The following GPRC6A variants were observed in gnomAD, a reference collection of about 807,000 sequenced individuals.
GPRC6A encodes G protein-coupled receptor class C group 6 member A.
In GPRC6A, 54 loss-of-function variants were observed where a neutral mutation model predicts 47.0. The ratio of observed to expected loss-of-function variants is 1.15; its 90% confidence interval spans 0.92 to 1.44. The LOEUF (loss-of-function observed/expected upper bound fraction) is 1.44, where lower values mean the gene tolerates loss of function less well. Among genes scored for constraint, GPRC6A ranks in the 40% most tolerant of loss-of-function variants. The pLI is 0.00. For synonymous variants in GPRC6A, 347 were observed against 377.1 expected (o/e 0.92, Z 0.93); for missense variants, 1,112 against 1,105.5 (o/e 1.01, Z -0.08).
intron 3 of GPRC6A, among the ~76,000 whole-genome samples, chr6:116,803,023 A>G (rs1459873499): frequency 1.3e-5 from 2 of 152,134 alleles, no homozygotes; most frequent in African/African-American, 4.8e-5. Context: ...ATGTCTCATA[A>G]ATTCATCAAA....
At chr6:116,810,431 C>A (rs778712804) in intron 1 of GPRC6A, among the ~76,000 whole-genome samples, 2 of 151,976 alleles carry the variant, frequency 1.3e-5, no homozygotes, top group Non-Finnish European at 2.9e-5. Context: ...GCATCTCTTA[C>A]TATGTTTCCT....
intron 1 of GPRC6A, among the ~76,000 whole-genome samples, chr6:116,812,622 T>G (rs975925963): frequency 3.3e-5 from 5 of 152,122 alleles, no homozygotes; most frequent in African/African-American, 9.7e-5. Context: ...AATTCCCCTC[T>G]TAAGAGACAT....
At chr6:116,813,995 A>G (rs1430559816) in intron 1 of GPRC6A, among the ~76,000 whole-genome samples, 3 of 152,244 alleles carry the variant, frequency 2.0e-5, no homozygotes, top group Non-Finnish European at 2.9e-5. Context: ...CAACAGACAC[A>G]TGAAAAAATG....
intron 1 of GPRC6A, among the ~76,000 whole-genome samples, chr6:116,823,786 G>C (rs1359241217): frequency 2.0e-5 from 3 of 152,056 alleles, no homozygotes; most frequent in African/African-American, 7.2e-5. Context: ...AACTTGGGAG[G>C]CCTCAGGAAA....
chr6:116,800,631 A>G lies in GPRC6A; in HGVS notation c.1501T>C (p.Phe501Leu), dbSNP rs759026518. 3.7e-6 allele frequency: 6 copies of G among 1,613,444 alleles called. No homozygotes were observed. The East Asian group carries it at 1.3e-4, about 36-fold the overall frequency. Residue 501 changes from phenylalanine to leucine, a missense_variant, in exon 4 of 6, where the codon TTC becomes CTC. Coordinates refer to ENST00000310357, the MANE Select transcript of GPRC6A (RefSeq NM_148963.4). ...TTTGTTTCCTGATCTGGGATGATGA[A>G]GACATCATTCTGTAGGTCATATTCT... ...MAEYDLQNDVFIIPDQETKNE... is the reference protein window; with the variant it reads ...MAEYDLQNDVLIIPDQETKNE...
chr6:116,820,399 C>A (rs1336682855), intron 1 of GPRC6A, among the ~76,000 whole-genome samples: 1 of 151,968 alleles, frequency 6.6e-6, no homozygotes, highest in Non-Finnish European at 1.5e-5. Flanking sequence ...GGCAGAGACA[C>A]AACCAAAAAA....
chr6:116,819,796 G>T (rs1450896129), intron 1 of GPRC6A, among the ~76,000 whole-genome samples: 2 of 150,904 alleles, frequency 1.3e-5, no homozygotes, highest in East Asian at 2.0e-4. Context: ...ACAATTAAAA[G>T]AACTAGAAAA....
chr6:116,793,551 C>CTAT (rs1425028313), intron 5 of GPRC6A, among the ~76,000 whole-genome samples: 1 of 152,128 alleles, frequency 6.6e-6, no homozygotes, highest in Non-Finnish European at 1.5e-5. Flanking sequence ...TATGCATTTG[C>CTAT]TATTATAGAT....
chr6:116,816,284 G>C (rs1773202985), intron 1 of GPRC6A, among the ~76,000 whole-genome samples: 1 of 152,206 alleles, frequency 6.6e-6, no homozygotes, highest in Non-Finnish European at 1.5e-5. Context: ...GACACAATGG[G>C]AGTACAGGCA....
chr6:116,797,194 C>T (rs1380123157), intron 4 of GPRC6A, among the ~76,000 whole-genome samples: 2 of 152,206 alleles, frequency 1.3e-5, no homozygotes, highest in African/African-American at 4.8e-5. Context: ...TCATCCATGT[C>T]CCTACAAAGG....
chr6:116,795,520 T>C (rs1772453997), intron 5 of GPRC6A, among the ~76,000 whole-genome samples, 192 bp downstream of exon 5: 1 of 152,218 alleles, frequency 6.6e-6, no homozygotes, highest in Non-Finnish European at 1.5e-5. Context: ...TATTATTTAT[T>C]TGCTGTGCAC....
intron 1 of GPRC6A, among the ~76,000 whole-genome samples, chr6:116,820,856 C>T (rs1033822612): frequency 2.8e-4 from 42 of 148,906 alleles, no homozygotes; most frequent in East Asian, 7.9e-4. Flanking sequence ...AAGTTCTGGC[C>T]AGGGCAATTA....
At chr6:116,812,608 A>T (rs986143292) in intron 1 of GPRC6A, among the ~76,000 whole-genome samples, 1 of 152,284 alleles carries the variant, frequency 6.6e-6, no homozygotes, top group East Asian at 1.9e-4. Flanking sequence ...ATTTAAAAGG[A>T]TTAAATTCCC....
chr6:116,818,725 A>C (rs1773341183), intron 1 of GPRC6A, among the ~76,000 whole-genome samples: 1 of 151,768 alleles, frequency 6.6e-6, no homozygotes, highest in Non-Finnish European at 1.5e-5. Context: ...CATGGAAGGG[A>C]ACAATGGGTA....
intron 1 of GPRC6A, among the ~76,000 whole-genome samples, chr6:116,816,944 G>T (rs933035797): frequency 1.3e-5 from 2 of 152,232 alleles, no homozygotes; most frequent in Non-Finnish European, 2.9e-5. Flanking sequence ...CTGCAAGGTG[G>T]CAGCGAGGCT....
rs188561760 is a variant in GPRC6A at position 116,797,374 on chromosome 6, A to G, written c.1549-1539T>C. ...AAAGACAGTCTAAAATCTTGTACTA[A>G]TTACTTTAGATTTCAATTGATTTAG... On this transcript the variant is annotated intron_variant, in intron 4 of 5. Transcript: ENST00000310357. Among the ~76,000 whole-genome samples the G allele has an allele frequency of 2.0e-5, 3 of 152,190 alleles. No homozygotes were observed. In the East Asian group the frequency reaches 5.8e-4, roughly 29 times the overall value.
chr6:116,803,628 C>T (rs1365691771), intron 3 of GPRC6A, among the ~76,000 whole-genome samples: 1 of 152,080 alleles, frequency 6.6e-6, no homozygotes, highest in East Asian at 1.9e-4. Flanking sequence ...ATGTCTTTCA[C>T]TCACTCATTC....
chr6:116,792,705 TGAC>T lies in GPRC6A; in HGVS notation c.2215_2217del (p.Val739del). The T allele has an allele frequency of 6.2e-7, 1 of 1,613,014 alleles. No individual in the cohort carries two copies. Among genetic ancestry groups the T allele is most frequent in the Non-Finnish European group, 8.5e-7 (1 of 1,179,156 alleles). On this transcript the variant is annotated inframe_deletion, in exon 6 of 6. Transcript: ENST00000310357. Reference sequence around the variant, plus strand: ...GATCCCTCCTCACACTCCAGGATGATGACTCTGGGCAAGGAGACATTCACCTCT... The same window carrying T: ...GATCCCTCCTCACACTCCAGGATGATTCTGGGCAAGGAGACATTCACCTCT...
chr6:116,809,691 A>G, intron 1 of GPRC6A, 74 bp from the exon 2 acceptor site: 1 of 991,794 alleles, frequency 1.0e-6, no homozygotes, highest in Non-Finnish European at 1.5e-6. Context: ...CATTTTGCCT[A>G]CATCTCCTCA....
Sources: gnomAD v4.1 joint callset for allele counts (sites outside exome capture counted in the v4.1 genomes callset) on GRCh38, gnomAD v4.1.1 for gene constraint, MANE v1.5 for transcripts, NCBI Gene and HGNC (gene_info 2026-07-23, HGNC 2026-07-21) for gene names.